Variants in FRMD4A observed in about 807,000 individuals in gnomAD.
FRMD4A encodes FERM domain containing 4A.
Under a neutral mutation model 129.1 loss-of-function variants are expected in FRMD4A, and 29 were observed. The ratio of observed to expected loss-of-function variants is 0.22; its 90% CI spans 0.17 to 0.31. The LOEUF (loss-of-function observed/expected upper bound fraction) is 0.31. Among genes scored for constraint, FRMD4A ranks in the 10% least tolerant of loss-of-function variants. FRMD4A has a pLI of 1.00. For missense variants in FRMD4A, 1,272 were observed against 1,375.8 expected, an observed-to-expected ratio of 0.92 and a Z score of 1.19; for synonymous variants, 634 against 571.6, an observed-to-expected ratio of 1.11 and a Z score of -1.56.
At chr10:13,986,103 G>A (rs563592091) in intron 2 of FRMD4A, among the ~76,000 whole-genome samples, 19 of 152,240 alleles carry the variant, frequency 1.2e-4, no homozygotes, top group African/African-American at 4.3e-4. Flanking sequence ...TTACAGCCAC[G>A]GCAGCAACCC....
intron 2 of FRMD4A, among the ~76,000 whole-genome samples, chr10:14,298,582 C>G (rs970504507): frequency 6.6e-6 from 1 of 151,540 alleles, no homozygotes. Flanking sequence ...TGTGACATCT[C>G]TCCACTTAAA....
chr10:13,702,799 G>A (rs1039619327), intron 13 of FRMD4A, among the ~76,000 whole-genome samples: 1 of 151,606 alleles, frequency 6.6e-6, no homozygotes, highest in African/African-American at 2.4e-5. Flanking sequence ...GGGTGCTAAA[G>A]ATTTAAAGTG....
At chr10:14,208,335 G>A (rs1378417887) in intron 2 of FRMD4A, among the ~76,000 whole-genome samples, 2 of 152,138 alleles carry the variant, frequency 1.3e-5, no homozygotes, top group Non-Finnish European at 2.9e-5. Context: ...GGTGCCAATG[G>A]CCCTGGGCTC....
At chr10:14,258,427 G>A (rs1844690554) in intron 2 of FRMD4A, among the ~76,000 whole-genome samples, 2 of 151,882 alleles carry the variant, frequency 1.3e-5, no homozygotes, top group Admixed American at 1.3e-4. Flanking sequence ...ATACAAGGAT[G>A]GCAAATAAGC....
Position 13,657,478 on chromosome 10 carries a change from T to C in FRMD4A, c.2111A>G (p.His704Arg). ...CAGGCTGGAGCTCCGGTGCCTAAAG[T>C]GCAGTGCGAGGCTGTGCAGTCGGGT... ...SPTRLHSLAL[H>R]FRHRSSSLES... Residue 704 changes from histidine to arginine, a missense_variant, in exon 22 of 25, where the codon CAC (histidine) becomes CGC (arginine). His to Arg is a conservative substitution (Grantham distance 29, BLOSUM62 0). Transcript: ENST00000357447. 2 of 1,609,078 alleles carry C rather than the reference T, an allele frequency of 1.2e-6. No homozygotes were observed. The highest frequency in any genetic ancestry group is 1.1e-5 in the South Asian group (1 of 90,940).
intron 2 of FRMD4A, among the ~76,000 whole-genome samples, chr10:13,960,916 C>T (rs990828256): frequency 6.6e-6 from 1 of 152,098 alleles, no homozygotes; most frequent in Non-Finnish European, 1.5e-5. Context: ...AAGATGACAT[C>T]GAATGATCCT....
chr10:14,290,011 A>G (rs889528397), intron 2 of FRMD4A, among the ~76,000 whole-genome samples: 25 of 152,102 alleles, frequency 1.6e-4, no homozygotes, highest in Admixed American at 1.6e-3. Flanking sequence ...TTATAATTAC[A>G]TCAAATCAAA....
At chr10:13,687,619 T>C (rs1160710470) in intron 15 of FRMD4A, among the ~76,000 whole-genome samples, 1 of 152,192 alleles carries the variant, frequency 6.6e-6, no homozygotes, top group Non-Finnish European at 1.5e-5. Flanking sequence ...TTCATAGTTG[T>C]TCTCTCAAAC....
chr10:13,677,763 C>T (rs2084127480), intron 15 of FRMD4A, among the ~76,000 whole-genome samples: 1 of 152,204 alleles, frequency 6.6e-6, no homozygotes, highest in Non-Finnish European at 1.5e-5. Context: ...TCACCAATCA[C>T]ATCTGAAGAC....
At position 14,131,398 on chromosome 10, in the gene FRMD4A, C is replaced by CCCT. The variant is rs911286394; in HGVS notation, c.45+198659_45+198660insAGG. Among the ~76,000 whole-genome samples, 9 of 144,442 alleles carry CCCT rather than the reference C, an allele frequency of 6.2e-5. No homozygotes were observed. The South Asian group carries it at 1.3e-3, about 20-fold the overall frequency. 94.8% of individuals were successfully genotyped at this position (144,442 alleles called of 152,430 possible). On this transcript the variant is annotated intron_variant, in intron 2 of 24. Coordinates refer to ENST00000357447, the MANE Select transcript of FRMD4A (RefSeq NM_018027.5). ...AGCTCCTTAGCCCAACTCACTGTGC[C>CCCT]CCCCCCGGCCGCCCTGTTGTCTCTA...
chr10:14,153,093 G>A (rs949078598), intron 2 of FRMD4A, among the ~76,000 whole-genome samples: 5 of 152,198 alleles, frequency 3.3e-5, no homozygotes, highest in African/African-American at 1.2e-4. Context: ...TCTTTCCAAT[G>A]AGCTGTCAGC....
intron 2 of FRMD4A, among the ~76,000 whole-genome samples, chr10:14,171,144 A>G (rs113460747): frequency 1.4e-4 from 21 of 152,254 alleles, no homozygotes; most frequent in Non-Finnish European, 2.6e-4. Flanking sequence ...AAAAAAATTC[A>G]CGGACATGAT....
chr10:13,885,909 TTCTCTC>T (rs139291183), intron 2 of FRMD4A, among the ~76,000 whole-genome samples: 2 of 149,858 alleles, frequency 1.3e-5, no homozygotes, highest in African/African-American at 4.9e-5. Context: ...CCATCTCTCC[TTCTCTC>T]TCTCTCTCTC....
intron 2 of FRMD4A, among the ~76,000 whole-genome samples, chr10:14,309,974 C>T (rs1043259722): frequency 2.7e-5 from 4 of 148,004 alleles, no homozygotes; most frequent in Non-Finnish European, 6.0e-5. Context: ...CCCAGCAAGA[C>T]TGGCCGTTCT....
intron 2 of FRMD4A, among the ~76,000 whole-genome samples, chr10:14,250,994 T>G (rs1844418860): frequency 6.6e-6 from 1 of 152,188 alleles, no homozygotes; most frequent in Non-Finnish European, 1.5e-5. Context: ...TCTAGCTGTA[T>G]TCAAAACCTG....
At chr10:13,812,656 G>A (rs1458122849) in intron 3 of FRMD4A, among the ~76,000 whole-genome samples, 3 of 152,188 alleles carry the variant, frequency 2.0e-5, no homozygotes, top group East Asian at 1.9e-4. Context: ...ACCCTTTTCT[G>A]TCTCACTCCT....
At chr10:13,922,239 C>T (rs1425142732) in intron 2 of FRMD4A, among the ~76,000 whole-genome samples, 2 of 151,922 alleles carry the variant, frequency 1.3e-5, no homozygotes, top group East Asian at 3.9e-4. Context: ...GCAGCCCCAG[C>T]TCATGATGAC....
chr10:14,330,712 G>A lies in FRMD4A; in HGVS notation c.-197C>T. 2.5e-6 allele frequency: 1 copy of A among 398,884 alleles called. No individual in the cohort carries two copies. The highest frequency in any genetic ancestry group is 3.6e-5 in the East Asian group (1 of 28,080). The allele number at this position is 398,884 out of a possible 1,614,324, so 24.7% of individuals were successfully genotyped here. A position where few individuals can be genotyped will look rare whatever the true frequency, so the allele number is the denominator to read the frequency against. ...GACCATGAGGCACCAGGCAGTCACT[G>A]GAGATCAGCAAATGCCCTTACCATC... is the stretch of plus-strand genomic sequence containing the variant. On this transcript the variant is annotated 5_prime_UTR_variant, in exon 1 of 25. An upstream open reading frame in the 5' UTR gains an earlier in-frame stop. Coordinates refer to ENST00000357447, the MANE Select transcript of FRMD4A (RefSeq NM_018027.5).
At chr10:13,757,399 C>G (rs990124076) in intron 8 of FRMD4A, among the ~76,000 whole-genome samples, 5 of 152,164 alleles carry the variant, frequency 3.3e-5, no homozygotes, top group African/African-American at 1.2e-4. Flanking sequence ...TTAGAAGTAT[C>G]GTACAAATTT....
Sources: gnomAD v4.1 joint callset for allele counts (sites outside exome capture counted in the v4.1 genomes callset) on GRCh38, gnomAD v4.1.1 for gene constraint, MANE v1.5 for transcripts, NCBI Gene and HGNC (gene_info 2026-07-23, HGNC 2026-07-21) for gene names.